SMIM35: variants seen among roughly 807,000 people sequenced by gnomAD.
SMIM35 encodes the protein small integral membrane protein 35.
intron 1 of SMIM35, among the ~76,000 whole-genome samples, chr11:118,075,015 C>T (rs1944634179): frequency 6.6e-6 from 1 of 152,226 alleles, no homozygotes; most frequent in Admixed American, 6.5e-5. Flanking sequence ...AGCCTTCATG[C>T]CCAGACAGCT....
chr11:118,067,697 T>C (rs1451030783), intron 1 of SMIM35, among the ~76,000 whole-genome samples: 1 of 150,544 alleles, frequency 6.6e-6, no homozygotes, highest in Non-Finnish European at 1.5e-5. Flanking sequence ...TAGCCAGGTG[T>C]GGTGGTGCGC....
At chr11:118,006,725 G>T (rs1301451315) in intron 4 of SMIM35, among the ~76,000 whole-genome samples, 2 of 152,188 alleles carry the variant, frequency 1.3e-5, no homozygotes, top group Non-Finnish European at 2.9e-5. Flanking sequence ...TGAGCCTAAA[G>T]AAAAGCAGCC....
At chr11:118,076,151 C>G (rs1944679319) in intron 1 of SMIM35, among the ~76,000 whole-genome samples, 2 of 152,186 alleles carry the variant, frequency 1.3e-5, no homozygotes, top group Admixed American at 6.5e-5. Context: ...CACCTGTAAT[C>G]CCAGCAGCTA....
intron 1 of SMIM35, among the ~76,000 whole-genome samples, chr11:118,085,531 A>G (rs1457716458): frequency 3.9e-5 from 6 of 152,112 alleles, no homozygotes; most frequent in Non-Finnish European, 8.8e-5. Context: ...ACAACTCAGG[A>G]CAAGCAAAAG....
intron 1 of SMIM35, among the ~76,000 whole-genome samples, chr11:118,064,154 T>C (rs988846120): frequency 2.6e-5 from 4 of 152,352 alleles, no homozygotes; most frequent in African/African-American, 9.6e-5. Context: ...GATTGCTTAC[T>C]GGTGTGTGGG....
intron 1 of SMIM35, among the ~76,000 whole-genome samples, chr11:118,076,499 C>T (rs765069715): frequency 2.6e-5 from 4 of 151,234 alleles, no homozygotes; most frequent in African/African-American, 7.3e-5. Flanking sequence ...ACTCCGTGGA[C>T]GAGGAGACGT....
rs117792848 is a variant in SMIM35 at position 118,009,137 on chromosome 11, G to A, written c.*34-2761C>T. ...AAAACAAAAGGAAGAAAGAGGAGTG[G>A]GTCAGTGGGAAGCTCAGAGCTGAGG... On this transcript the variant is annotated intron_variant, in intron 4 of 4. Transcript: ENST00000689828. Among the ~76,000 whole-genome samples, 199 of 152,226 alleles carry A rather than the reference G, an allele frequency of 1.3e-3. No homozygotes were observed. The Middle Eastern group carries it at 0.014, about 10-fold the overall frequency.
At chr11:118,016,148 G>A (rs2058181667) in intron 1 of SMIM35, among the ~76,000 whole-genome samples, 1 of 152,154 alleles carries the variant, frequency 6.6e-6, no homozygotes. Flanking sequence ...GCCTCAGCAT[G>A]AGCCAGGTGG....
At chr11:118,036,945 C>T (rs2058363742) in intron 1 of SMIM35, among the ~76,000 whole-genome samples, 1 of 152,110 alleles carries the variant, frequency 6.6e-6, no homozygotes, top group African/African-American at 2.4e-5. Context: ...ATTTCTTTAC[C>T]TCCTGTTTTT....
At chr11:118,082,739 A>T (rs1945242317) in intron 1 of SMIM35, among the ~76,000 whole-genome samples, 1 of 152,188 alleles carries the variant, frequency 6.6e-6, no homozygotes, top group South Asian at 2.1e-4. Context: ...AATTACCAGG[A>T]GACCATTAAC....
chr11:118,038,976 AGAGAAAGGGGCAT>A (rs1943956899), intron 1 of SMIM35, among the ~76,000 whole-genome samples: 1 of 152,130 alleles, frequency 6.6e-6, no homozygotes, highest in African/African-American at 2.4e-5. Flanking sequence ...TGGGGCACAG[AGAGAAAGGGGCAT>A]GAGAAGAAGC....
chr11:118,007,537 A>G (rs1053635165), intron 4 of SMIM35, among the ~76,000 whole-genome samples: 5 of 152,156 alleles, frequency 3.3e-5, no homozygotes, highest in Non-Finnish European at 7.3e-5. Flanking sequence ...TGGGGGCTAC[A>G]GTCAGGCACC....
chr11:118,032,343 G>A (rs2058326540), intron 1 of SMIM35, among the ~76,000 whole-genome samples: 1 of 152,064 alleles, frequency 6.6e-6, no homozygotes, highest in Non-Finnish European at 1.5e-5. Flanking sequence ...ATGTCTGTAG[G>A]AAATACATTC....
intron 1 of SMIM35, among the ~76,000 whole-genome samples, chr11:118,082,434 G>C (rs1264132303): frequency 6.6e-6 from 1 of 152,030 alleles, no homozygotes; most frequent in Non-Finnish European, 1.5e-5. Context: ...AGTAGCTCAC[G>C]CCTGTAATCC....
chr11:118,025,184 G>A (rs2058265085), intron 1 of SMIM35, among the ~76,000 whole-genome samples: 1 of 152,150 alleles, frequency 6.6e-6, no homozygotes, highest in Admixed American at 6.6e-5. Context: ...GGGCACCTAG[G>A]TTGATTCTAA....
chr11:118,064,093 G>A (rs770674996), intron 1 of SMIM35, among the ~76,000 whole-genome samples: 4 of 152,234 alleles, frequency 2.6e-5, no homozygotes, highest in Non-Finnish European at 5.9e-5. Flanking sequence ...CTGGTAGATA[G>A]TGTGGGAATT....
chr11:118,070,664 A>T (rs1417027266), intron 1 of SMIM35, among the ~76,000 whole-genome samples: 1 of 152,154 alleles, frequency 6.6e-6, no homozygotes, highest in Non-Finnish European at 1.5e-5. Flanking sequence ...AACGGGATGG[A>T]CTCACAAATA....
intron 4 of SMIM35, among the ~76,000 whole-genome samples, chr11:118,008,529 C>T (rs1012529255): frequency 5.9e-5 from 9 of 152,202 alleles, no homozygotes; most frequent in Admixed American, 3.3e-4. Context: ...CACCTGCCAG[C>T]CTTGTCACGG....
chr11:118,064,768 C>A (rs1944444114), intron 1 of SMIM35, among the ~76,000 whole-genome samples: 1 of 150,098 alleles, frequency 6.7e-6, no homozygotes, highest in Non-Finnish European at 1.5e-5. Flanking sequence ...CTCAGCCTCC[C>A]AAGTAGCTGG....
Sources: allele counts gnomAD v4.1 joint callset (sites outside exome capture counted in the v4.1 genomes callset), GRCh38; gene constraint gnomAD v4.1.1; transcripts MANE v1.5; gene names NCBI Gene and HGNC (gene_info 2026-07-23, HGNC 2026-07-21).